Variants in IMMP2L observed in about 807,000 individuals in gnomAD.
IMMP2L encodes mitochondrial inner membrane protease subunit 2.
IMMP2L carries 18 observed loss-of-function variants against 19.3 expected under a neutral mutation model. The ratio of observed to expected loss-of-function variants is 0.93; its 90% CI spans 0.64 to 1.38. The LOEUF (loss-of-function observed/expected upper bound fraction) is 1.38, where lower values mean the gene tolerates loss of function less well. Among genes scored for constraint, IMMP2L ranks in the 40% most tolerant of loss-of-function variants. IMMP2L has a pLI of 0.00. For missense variants in IMMP2L, 233 were observed against 218.2 expected, an observed-to-expected ratio of 1.07 and a Z score of -0.43; for synonymous variants, 76 against 73.0, an observed-to-expected ratio of 1.04 and a Z score of -0.21.
chr7:111,488,900 C>T (rs897371762), intron 2 of IMMP2L, among the ~76,000 whole-genome samples: 3 of 152,072 alleles, frequency 2.0e-5, no homozygotes, highest in African/African-American at 7.2e-5. Flanking sequence ...GCCACTCTTG[C>T]AGGAGTGAGG....
At chr7:110,808,584 A>T (rs1388533494) in intron 5 of IMMP2L, among the ~76,000 whole-genome samples, 1 of 152,096 alleles carries the variant, frequency 6.6e-6, no homozygotes, top group Admixed American at 6.6e-5. Flanking sequence ...TGAAAAGAAG[A>T]ACCGAAGGTA....
intron 3 of IMMP2L, among the ~76,000 whole-genome samples, chr7:111,440,832 T>A (rs1343558425): frequency 6.6e-6 from 1 of 151,912 alleles, no homozygotes; most frequent in Non-Finnish European, 1.5e-5. Flanking sequence ...TGCTGTGTAG[T>A]GTAGGCGCCT....
chr7:111,128,565 G>T (rs1006797569), intron 3 of IMMP2L, among the ~76,000 whole-genome samples: 1 of 152,170 alleles, frequency 6.6e-6, no homozygotes, highest in African/African-American at 2.4e-5. Context: ...GATGGCTCAA[G>T]CCGGTAATCC....
chr7:111,259,997 T>C (rs1817143755), intron 3 of IMMP2L, among the ~76,000 whole-genome samples: 1 of 152,138 alleles, frequency 6.6e-6, no homozygotes, highest in Non-Finnish European at 1.5e-5. Flanking sequence ...GGAGCTGTCA[T>C]CTCCTATCAT....
At chr7:111,529,042 G>A (rs566215059) in intron 1 of IMMP2L, among the ~76,000 whole-genome samples, 48 of 152,274 alleles carry the variant, frequency 3.2e-4, no homozygotes, top group African/African-American at 1.1e-3. Flanking sequence ...CTTTCTCCAC[G>A]TAGAGTTTGC....
intron 1 of IMMP2L, among the ~76,000 whole-genome samples, chr7:111,523,766 A>T (rs1846576305): frequency 6.6e-6 from 1 of 152,096 alleles, no homozygotes; most frequent in Non-Finnish European, 1.5e-5. Flanking sequence ...GAGTTCACAC[A>T]TCTGGTACTC....
chr7:111,315,731 TAA>T (rs777273496), intron 3 of IMMP2L, among the ~76,000 whole-genome samples: 7 of 136,296 alleles, frequency 5.1e-5, no homozygotes, highest in Admixed American at 7.4e-5. Flanking sequence ...AGTGGCTTCT[TAA>T]AAAAAAAAAA....
rs568965249 is a variant in IMMP2L, at chr7:110,894,406, T to C, written c.306-7711A>G. Among the ~76,000 whole-genome samples the C allele has an allele frequency of 3.3e-5, 5 of 152,316 alleles. No individual in the cohort carries two copies. The South Asian group carries it at 6.2e-4, about 19-fold the overall frequency. On this transcript the variant is annotated intron_variant, in intron 4 of 5. Transcript: ENST00000405709. ...CACATCTCACCAGCACTTGATATTATCATTCTTTCCATTTTAGCCATTTTA... is the reference window on the plus strand; with the variant it reads ...CACATCTCACCAGCACTTGATATTACCATTCTTTCCATTTTAGCCATTTTA...
chr7:110,859,027 T>C (rs1807104740), intron 5 of IMMP2L, among the ~76,000 whole-genome samples: 2 of 152,154 alleles, frequency 1.3e-5, no homozygotes. Flanking sequence ...TTTTGGTTTG[T>C]AGATAACCCC....
At chr7:111,182,342 A>G (rs1049069394) in intron 3 of IMMP2L, among the ~76,000 whole-genome samples, 1 of 151,930 alleles carries the variant, frequency 6.6e-6, no homozygotes, top group East Asian at 1.9e-4. Flanking sequence ...CTTTGGTCCT[A>G]TGAAAACTAA....
chr7:111,556,040 A>ATATATATATATATATATATATATATC (rs1264908580), intron 1 of IMMP2L, among the ~76,000 whole-genome samples: 2 of 139,352 alleles, frequency 1.4e-5, no homozygotes, highest in Non-Finnish European at 3.1e-5. Context: ...ATATATACAT[A>ATATATATATATATATATATATATATC]CCCAAAGAAA....
At chr7:111,186,476 A>G (rs1215987957) in intron 3 of IMMP2L, among the ~76,000 whole-genome samples, 1 of 152,000 alleles carries the variant, frequency 6.6e-6, no homozygotes, top group Non-Finnish European at 1.5e-5. Flanking sequence ...GCTGGAGTGC[A>G]ATGGCACGAT....
intron 4 of IMMP2L, among the ~76,000 whole-genome samples, chr7:110,950,006 G>T (rs1274365996): frequency 1.3e-5 from 2 of 152,060 alleles, no homozygotes; most frequent in African/African-American, 4.8e-5. Context: ...GTATACTTTT[G>T]CTTATGTTGC....
intron 3 of IMMP2L, among the ~76,000 whole-genome samples, chr7:111,451,297 G>C (rs1201200108): frequency 4.0e-5 from 6 of 150,664 alleles, no homozygotes; most frequent in Admixed American, 2.6e-4. Context: ...CAATAGCAAA[G>C]ACTTGGAACC....
chr7:111,559,908 T>C (rs1481798876), intron 1 of IMMP2L, among the ~76,000 whole-genome samples: 2 of 152,070 alleles, frequency 1.3e-5, no homozygotes, highest in Non-Finnish European at 2.9e-5. Flanking sequence ...GTCATGCTAC[T>C]TCTACATGAA....
intron 5 of IMMP2L, among the ~76,000 whole-genome samples, chr7:110,723,044 T>C (rs1288002159): frequency 6.6e-6 from 1 of 152,162 alleles, no homozygotes; most frequent in Non-Finnish European, 1.5e-5. Flanking sequence ...GCAGATTCCC[T>C]TGTACCTAAG....
chr7:111,355,794 T>C (rs1828638832), intron 3 of IMMP2L, among the ~76,000 whole-genome samples: 1 of 151,996 alleles, frequency 6.6e-6, no homozygotes. Flanking sequence ...TAGTCTATTT[T>C]GATTTTGCTT....
chr7:111,254,509 A>G (rs1194526145), intron 3 of IMMP2L, among the ~76,000 whole-genome samples: 1 of 152,142 alleles, frequency 6.6e-6, no homozygotes, highest in African/African-American at 2.4e-5. Context: ...CTAATATTGT[A>G]CTCAAAGTGC....
intron 3 of IMMP2L, among the ~76,000 whole-genome samples, chr7:111,444,993 A>G (rs951720660): frequency 6.6e-6 from 1 of 152,098 alleles, no homozygotes; most frequent in Non-Finnish European, 1.5e-5. Context: ...TTTATAGTCT[A>G]ATGTTGAGCC....
Sources: gnomAD v4.1 joint callset for allele counts (sites outside exome capture counted in the v4.1 genomes callset) on GRCh38, gnomAD v4.1.1 for gene constraint, MANE v1.5 for transcripts, NCBI Gene and HGNC (gene_info 2026-07-23, HGNC 2026-07-21) for gene names.